The following ARHGAP17 variants were observed in gnomAD, a reference collection of about 807,000 sequenced individuals.
The protein encoded by ARHGAP17 is Rho GTPase activating protein 17, also known as rho GTPase-activating protein 17.
A neutral mutation model predicts 99.5 loss-of-function variants in ARHGAP17; 57 were observed. The ratio of observed to expected loss-of-function variants is 0.57; its 90% CI spans 0.46 to 0.71. The LOEUF is 0.71. Among genes scored for constraint, ARHGAP17 ranks in the 30% least tolerant of loss-of-function variants. The probability of loss-of-function intolerance (pLI) is 0.00; values close to 1 mark genes in which losing one functional copy is unlikely to be tolerated. For synonymous variants in ARHGAP17, 417 were observed against 429.6 expected, an observed-to-expected ratio of 0.97 and a Z score of 0.36; for missense variants, 1,000 against 1,122.4, an observed-to-expected ratio of 0.89 and a Z score of 1.56.
chr16:24,959,574 C>T, intron 9 of ARHGAP17, 97 bp downstream of exon 9: 2 of 1,172,362 alleles, frequency 1.7e-6, no homozygotes, highest in Non-Finnish European at 2.4e-6. Flanking sequence ...AAGCTTTATC[C>T]CAAGGACGTG....
At chr16:24,993,107 T>C (rs1453540023) in intron 1 of ARHGAP17, among the ~76,000 whole-genome samples, 4 of 152,198 alleles carry the variant, frequency 2.6e-5, no homozygotes, top group African/African-American at 7.2e-5. Flanking sequence ...GCTGGCATTG[T>C]AGGCATGAGC....
At chr16:24,971,297 A>G (rs909552200) in intron 3 of ARHGAP17, among the ~76,000 whole-genome samples, 1 of 151,936 alleles carries the variant, frequency 6.6e-6, no homozygotes, top group African/African-American at 2.4e-5. Flanking sequence ...TCAATTTCAA[A>G]AGCTTTTGCT....
intron 1 of ARHGAP17, among the ~76,000 whole-genome samples, chr16:25,000,293 G>A (rs1278947789): frequency 1.3e-5 from 2 of 152,124 alleles, no homozygotes; most frequent in Non-Finnish European, 2.9e-5. Flanking sequence ...GTGGGGGAAA[G>A]GCTCCCATCT....
Position 24,919,938 on chromosome 16 carries a change from C to G in ARHGAP17, c.*192G>C. 1 of 700,278 alleles carries G rather than the reference C, an allele frequency of 1.4e-6. No homozygotes were observed. The highest frequency in any genetic ancestry group is 3.2e-5 in the South Asian group (1 of 31,606). 43.4% of individuals were successfully genotyped at this position (700,278 alleles called of 1,614,324 possible). A position where few individuals can be genotyped will look rare whatever the true frequency, so the allele number is the denominator to read the frequency against. On this transcript the variant is annotated 3_prime_UTR_variant, in exon 20 of 20. Coordinates refer to ENST00000289968, the MANE Select transcript of ARHGAP17 (RefSeq NM_001006634.3). ...AAAGAAAGCCAACTTCTTCAAGACA[C>G]AGGTCATTCAGCTTTAGTGGTGGCC...
intron 6 of ARHGAP17, among the ~76,000 whole-genome samples, chr16:24,965,312 T>C (rs1173567319): frequency 2.0e-5 from 3 of 152,052 alleles, no homozygotes; most frequent in Non-Finnish European, 4.4e-5. Context: ...CTACTAAAAA[T>C]ACAAAACATT....
chr16:24,946,530 G>A lies in ARHGAP17; in HGVS notation c.1241+952C>T, dbSNP rs552942380. On this transcript the variant is annotated intron_variant, in intron 14 of 19. Coordinates refer to ENST00000289968, the MANE Select transcript of ARHGAP17 (RefSeq NM_001006634.3). ...ATACTTGATAAAGGGGGCAGAATACGCTATCCCAAAATATGCTCCTTAGGC... is the reference window on the plus strand; with the variant it reads ...ATACTTGATAAAGGGGGCAGAATACACTATCCCAAAATATGCTCCTTAGGC... 2.0e-5 allele frequency among the ~76,000 whole-genome samples: 3 copies of A among 150,890 alleles called. No homozygotes were observed. In the South Asian group the frequency reaches 6.4e-4, roughly 32 times the overall value.
At chr16:24,999,204 C>T (rs373211661) in intron 1 of ARHGAP17, among the ~76,000 whole-genome samples, 9 of 152,172 alleles carry the variant, frequency 5.9e-5, no homozygotes, top group East Asian at 3.8e-4. Flanking sequence ...GGTATTTCAT[C>T]TGAGAAGTTT....
chr16:24,964,521 A>G (rs1301760279), intron 6 of ARHGAP17, among the ~76,000 whole-genome samples: 1 of 152,244 alleles, frequency 6.6e-6, no homozygotes, highest in Non-Finnish European at 1.5e-5. Flanking sequence ...GGACTCTCAT[A>G]GTGCTAGGAG....
intron 1 of ARHGAP17, among the ~76,000 whole-genome samples, chr16:25,005,215 C>T (rs1341465948): frequency 6.6e-6 from 1 of 152,214 alleles, no homozygotes; most frequent in Non-Finnish European, 1.5e-5. Flanking sequence ...CATACCCAGC[C>T]TGAATATTGT....
chr16:24,977,763 A>G (rs2052561291), intron 2 of ARHGAP17, among the ~76,000 whole-genome samples: 1 of 152,176 alleles, frequency 6.6e-6, no homozygotes, highest in Non-Finnish European at 1.5e-5. Context: ...CAGCAATAAG[A>G]AACACTGACT....
At chr16:25,005,050 G>A (rs992803928) in intron 1 of ARHGAP17, among the ~76,000 whole-genome samples, 3 of 152,194 alleles carry the variant, frequency 2.0e-5, no homozygotes, top group African/African-American at 2.4e-5. Context: ...GAGTACCTGG[G>A]ATTACAGGCG....
intron 1 of ARHGAP17, among the ~76,000 whole-genome samples, chr16:24,982,982 A>ATT (rs1555467440): frequency 9.2e-5 from 3 of 32,672 alleles, no homozygotes; most frequent in East Asian, 8.2e-4. Context: ...ATATATATAT[A>ATT]TATATATATA....
chr16:24,949,614 A>C (rs2051574068), intron 12 of ARHGAP17, 130 bp from the exon 13 acceptor site: 1 of 715,136 alleles, frequency 1.4e-6, no homozygotes, highest in Non-Finnish European at 2.3e-6. Flanking sequence ...TGCTATGGAA[A>C]TAAACAGATT....
intron 1 of ARHGAP17, among the ~76,000 whole-genome samples, chr16:24,984,427 G>A (rs927698087): frequency 6.6e-6 from 1 of 152,146 alleles, no homozygotes; most frequent in South Asian, 2.1e-4. Flanking sequence ...AGCAGTTTGG[G>A]AAGCCAAGGC....
At chr16:24,963,995 A>G (rs1362327319) in intron 7 of ARHGAP17, among the ~76,000 whole-genome samples, 4 of 152,170 alleles carry the variant, frequency 2.6e-5, no homozygotes, top group African/African-American at 9.7e-5. Flanking sequence ...AAGTTTTTAA[A>G]AATATCCTAT....
At chr16:24,971,116 T>C (rs1171140569) in intron 3 of ARHGAP17, among the ~76,000 whole-genome samples, 2 of 152,172 alleles carry the variant, frequency 1.3e-5, no homozygotes, top group African/African-American at 2.4e-5. Context: ...GTGATCTGCA[T>C]GCCTCAGCCT....
rs542173809 is a variant in ARHGAP17 at position 24,995,469 on chromosome 16, A to G, written c.54-16464T>C. ...AGAGAGGGAAGAGAGAGCAGGGAGG[A>G]GCAGAGGCAGGTGACATGGCTGGGG... On this transcript the variant is annotated intron_variant, in intron 1 of 19. Coordinates refer to ENST00000289968, the MANE Select transcript of ARHGAP17 (RefSeq NM_001006634.3). 4.6e-5 allele frequency among the ~76,000 whole-genome samples: 7 copies of G among 152,294 alleles called. No homozygotes were observed. The South Asian group carries it at 1.5e-3, about 32-fold the overall frequency.
chr16:24,998,748 A>G (rs1305607923), intron 1 of ARHGAP17, among the ~76,000 whole-genome samples: 1 of 152,198 alleles, frequency 6.6e-6, no homozygotes, highest in African/African-American at 2.4e-5. Flanking sequence ...CCAGGTATGG[A>G]AGTGAAGGAC....
intron 4 of ARHGAP17, 79 bp downstream of exon 4, chr16:24,970,428 G>A (rs868357705): frequency 2.3e-6 from 3 of 1,321,612 alleles, no homozygotes; most frequent in African/African-American, 2.9e-5. Flanking sequence ...TCCTCTCACA[G>A]GTCCTACATA....
Sources: allele counts gnomAD v4.1 joint callset (sites outside exome capture counted in the v4.1 genomes callset), GRCh38; gene constraint gnomAD v4.1.1; transcripts MANE v1.5; gene names NCBI Gene and HGNC (gene_info 2026-07-23, HGNC 2026-07-21).